Variants in OTUD4 observed in about 807,000 individuals in gnomAD.
OTUD4 encodes the protein OTU domain-containing protein 4.
In OTUD4, 24 loss-of-function variants were observed where a neutral mutation model predicts 130.4. The observed-to-expected ratio is 0.18, with a 90% confidence interval of 0.13 to 0.26. OTUD4 has a LOEUF of 0.26. OTUD4 is among the 10% of genes least tolerant of loss of function. The probability of loss-of-function intolerance (pLI) is 1.00; values close to 1 mark genes in which losing one functional copy is unlikely to be tolerated. For missense variants in OTUD4, 1,031 were observed against 1,329.4 expected (o/e 0.78, Z 3.49); for synonymous variants, 420 against 472.5 (o/e 0.89, Z 1.44).
chr4:145,141,753 A>G (rs1030200928), intron 18 of OTUD4, 114 bp from the exon 19 acceptor site: 23 of 898,318 alleles, frequency 2.6e-5, no homozygotes, highest in Non-Finnish European at 3.2e-5. Flanking sequence ...CTAAAGTAGT[A>G]CCTTTTAGTA....
chr4:145,139,586 C>T (rs775502612), intron 20 of OTUD4, among the ~76,000 whole-genome samples: 53 of 152,304 alleles, frequency 3.5e-4, no homozygotes, highest in Admixed American at 6.5e-4. Flanking sequence ...AAGCTAGGCC[C>T]AGATACACTA....
intron 4 of OTUD4, among the ~76,000 whole-genome samples, 175 bp from the exon 5 acceptor site, chr4:145,164,401 T>A (rs562688252): frequency 6.6e-6 from 1 of 152,174 alleles, no homozygotes; most frequent in South Asian, 2.1e-4. Context: ...AAAGTAACCT[T>A]TTTAACATGT....
chr4:145,151,060 C>A (rs183226885), intron 11 of OTUD4, among the ~76,000 whole-genome samples, 155 bp from the exon 12 acceptor site: 1 of 152,068 alleles, frequency 6.6e-6, no homozygotes, highest in Admixed American at 6.6e-5. Context: ...ATTTACCAAT[C>A]CAGATGTAAT....
At chr4:145,161,002 C>A (rs1048793691) in intron 6 of OTUD4, among the ~76,000 whole-genome samples, 1 of 151,838 alleles carries the variant, frequency 6.6e-6, no homozygotes, top group African/African-American at 2.4e-5. Context: ...CCAAGCTACT[C>A]GGGAGGCTGA....
Position 145,138,221 on chromosome 4 carries a change from G to C in OTUD4, c.2554C>G (p.Pro852Ala). 6.2e-7 allele frequency: 1 copy of C among 1,613,976 alleles called. No homozygotes were observed. Among genetic ancestry groups the C allele is most frequent in the Non-Finnish European group, 8.5e-7 (1 of 1,179,858 alleles). The change falls in exon 21 of 21, where the codon CCT becomes GCT. Residue 852 changes from proline to alanine, a missense_variant. Transcript: ENST00000447906. ...TGAGGAAAGAAAGGAGGTGCAATAGGAACTGGGCCTAAGAATGGATTGGGT... is the reference window on the plus strand; with the variant it reads ...TGAGGAAAGAAAGGAGGTGCAATAGCAACTGGGCCTAAGAATGGATTGGGT... ...FGPNPFLGPV[P>A]IAPPFFPHVW...
rs368312871 is a variant in OTUD4 at position 145,137,347 on chromosome 4, TTTTAC to T, written c.*78_*82del. 113 of 1,232,612 alleles carry T rather than the reference TTTTAC, an allele frequency of 9.2e-5. 1 individual carries two copies. The Middle Eastern group carries it at 1.2e-3, about 13-fold the overall frequency. The allele number at this position is 1,232,612 out of a possible 1,614,324, so 76.4% of individuals were successfully genotyped here. On this transcript the variant is annotated 3_prime_UTR_variant, in exon 21 of 21. Coordinates refer to ENST00000447906, the MANE Select transcript of OTUD4 (RefSeq NM_001366057.1). ...GAGAGGAAAGAGTTCCAACTGCGGT[TTTTAC>T]TTTATTGTATTTTTTTTAAAGCCTT...
Position 145,168,945 on chromosome 4 carries a change from TAC to T in OTUD4, c.294+2723_294+2724del, listed in dbSNP as rs1752016353. Among the ~76,000 whole-genome samples the T allele has an allele frequency of 5.3e-5, 8 of 152,362 alleles. No homozygotes were observed. In the South Asian group the frequency reaches 1.4e-3, roughly 28 times the overall value. Reference sequence around the variant, plus strand: ...GTATACACAGGTTGTGATAGATACATACACAGATTATTTTTCTTCAATAAAAA... The same window carrying T: ...GTATACACAGGTTGTGATAGATACATACAGATTATTTTTCTTCAATAAAAA... On this transcript the variant is annotated intron_variant, in intron 3 of 20. Coordinates refer to ENST00000447906, the MANE Select transcript of OTUD4 (RefSeq NM_001366057.1).
At chr4:145,149,047 ATC>A (rs1426568539) in intron 13 of OTUD4, among the ~76,000 whole-genome samples, 2 of 152,178 alleles carry the variant, frequency 1.3e-5, no homozygotes, top group Non-Finnish European at 2.9e-5. Context: ...CATATTCCTA[ATC>A]TCTAGTACCT....
At position 145,169,558 on chromosome 4, in the gene OTUD4, C is replaced by G. The variant is rs183258454; in HGVS notation, c.294+2112G>C. On this transcript the variant is annotated intron_variant, in intron 3 of 20. Coordinates refer to ENST00000447906, the MANE Select transcript of OTUD4 (RefSeq NM_001366057.1). ...GGAGTGCAGCGGCACAATCTCAGCT[C>G]ACTGCAACCTCTGCATCCCAGGTTC... 3.6e-4 allele frequency among the ~76,000 whole-genome samples: 55 copies of G among 152,300 alleles called. 1 individual carries two copies. The highest frequency in any genetic ancestry group is 1.3e-3 in the African/African-American group (54 of 41,580).
Position 145,138,006 on chromosome 4 carries a change from G to A in OTUD4, c.2769C>T (p.Leu923=). The stretch of plus-strand genomic sequence containing the variant: ...GCTTACTGCTCACACTTGCTTCAGG[G>A]AGAGAATGTACATGTTCACCCCTGG... ...PEARGEHVHS[L]PEASVSSKPD... is the part of the protein sequence containing the mutation. Residue 923 remains leucine, a synonymous_variant, in exon 21 of 21, where the codon CTC becomes CTT. Transcript: ENST00000447906. 6.2e-7 allele frequency: 1 copy of A among 1,614,044 alleles called. No homozygotes were observed. The highest frequency in any genetic ancestry group is 8.5e-7 in the Non-Finnish European group (1 of 1,179,934).
chr4:145,157,964 G>C (rs928449719), intron 7 of OTUD4, among the ~76,000 whole-genome samples: 2 of 152,126 alleles, frequency 1.3e-5, no homozygotes, highest in East Asian at 3.9e-4. Context: ...CCAATCACAG[G>C]TAATAAGTTG....
chr4:145,154,189 A>T (rs900277745), intron 10 of OTUD4, among the ~76,000 whole-genome samples: 3 of 152,178 alleles, frequency 2.0e-5, no homozygotes, highest in African/African-American at 7.2e-5. Context: ...CCTGGATTTA[A>T]TCTCATTTGT....
intron 3 of OTUD4, among the ~76,000 whole-genome samples, chr4:145,167,309 G>C (rs1751925400): frequency 6.6e-6 from 1 of 152,180 alleles, no homozygotes; most frequent in South Asian, 2.1e-4. Context: ...TCTTAGACCA[G>C]CACAATCTTT....
At chr4:145,139,836 G>T (rs530899928) in intron 20 of OTUD4, 115 bp downstream of exon 20, 1 of 430,124 alleles carries the variant, frequency 2.3e-6, no homozygotes, top group Non-Finnish European at 4.3e-6. Context: ...TTTTTAAAAT[G>T]ATGAGATTTA....
chr4:145,157,427 G>A lies in OTUD4; in HGVS notation c.630-1431C>T, dbSNP rs375393133. Among the ~76,000 whole-genome samples, 17 of 152,278 alleles carry A rather than the reference G, an allele frequency of 1.1e-4. 1 individual carries two copies. In the South Asian group the frequency reaches 1.2e-3, roughly 11 times the overall value. On this transcript the variant is annotated intron_variant, in intron 7 of 20. Transcript: ENST00000447906. ...TACAAAAAAGGCCGCAGAGGCTCACGCCTGTAATCCCAACACTTTGGGAGG... is the reference window on the plus strand; with the variant it reads ...TACAAAAAAGGCCGCAGAGGCTCACACCTGTAATCCCAACACTTTGGGAGG...
At chr4:145,179,708 C>A (rs918477082) in intron 1 of OTUD4, 107 bp downstream of exon 1, 48 of 1,415,052 alleles carry the variant, frequency 3.4e-5, no homozygotes, top group South Asian at 2.7e-4. Context: ...AGGGCACGCG[C>A]AGCCCCGGCC....
intron 19 of OTUD4, 76 bp downstream of exon 19, chr4:145,141,303 A>C: frequency 1.2e-5 from 15 of 1,286,960 alleles, no homozygotes; most frequent in Non-Finnish European, 1.5e-5. Flanking sequence ...TCTGACCTCT[A>C]CTTACATCTC....
chr4:145,173,487 AT>A (rs1215197245), intron 2 of OTUD4, among the ~76,000 whole-genome samples: 1 of 152,234 alleles, frequency 6.6e-6, no homozygotes, highest in Non-Finnish European at 1.5e-5. Flanking sequence ...AGCAATGTCC[AT>A]TATTATCAAC....
At chr4:145,168,525 A>G (rs910116367) in intron 3 of OTUD4, among the ~76,000 whole-genome samples, 1 of 152,098 alleles carries the variant, frequency 6.6e-6, no homozygotes, top group Non-Finnish European at 1.5e-5. Flanking sequence ...AGTAAAATTC[A>G]GTAAGAACAA....
Sources: gnomAD v4.1 joint callset for allele counts (sites outside exome capture counted in the v4.1 genomes callset) on GRCh38, gnomAD v4.1.1 for gene constraint, MANE v1.5 for transcripts, NCBI Gene and HGNC (gene_info 2026-07-23, HGNC 2026-07-21) for gene names.